Variants in BDP1 observed in about 807,000 individuals in gnomAD.
BDP1 encodes transcription factor TFIIIB component B'' homolog.
In BDP1, 169 loss-of-function variants were observed where a neutral mutation model predicts 266.6. The ratio of observed to expected loss-of-function variants is 0.63; its 90% CI spans 0.56 to 0.72. The LOEUF (loss-of-function observed/expected upper bound fraction) is 0.72, where lower values mean the gene tolerates loss of function less well. Ranked by LOEUF, BDP1 falls within the 30% of genes least tolerant of loss-of-function variation. BDP1 has a pLI of 0.00. For synonymous variants in BDP1, 1,090 were observed against 1,022.4 expected, an observed-to-expected ratio of 1.07 and a Z score of -1.26; for missense variants, 3,015 against 3,053.8, an observed-to-expected ratio of 0.99 and a Z score of 0.30.
chr5:71,493,627 C>G (rs376501486), intron 11 of BDP1, among the ~76,000 whole-genome samples: 60 of 152,238 alleles, frequency 3.9e-4, no homozygotes, highest in African/African-American at 1.3e-3. Context: ...GTCATGTACA[C>G]AAGAACAAAG....
rs144741692 is a variant in BDP1 at position 71,549,327 on chromosome 5, C to T, written c.6809-93C>T. 37 of 1,049,002 alleles carry T rather than the reference C, an allele frequency of 3.5e-5. No homozygotes were observed. In the African/African-American group the frequency reaches 5.7e-4, roughly 16 times the overall value. 65.0% of individuals were successfully genotyped at this position (1,049,002 alleles called of 1,614,324 possible). Reference sequence around the variant, plus strand: ...TTATTTAGTCTTGATGATAAGTTGTCCTGAGACTGTCTTTTTAGAAATGAA... The same window carrying T: ...TTATTTAGTCTTGATGATAAGTTGTTCTGAGACTGTCTTTTTAGAAATGAA... On this transcript the variant is annotated intron_variant, in intron 33 of 38. Transcript: ENST00000358731.
intron 38 of BDP1, among the ~76,000 whole-genome samples, chr5:71,563,104 T>C (rs1743796082): frequency 6.6e-6 from 1 of 152,200 alleles, no homozygotes; most frequent in Non-Finnish European, 1.5e-5. Context: ...GATCAAGATA[T>C]CAGTCTAGCT....
intron 13 of BDP1, among the ~76,000 whole-genome samples, chr5:71,499,299 C>T (rs931893562): frequency 1.3e-5 from 2 of 152,100 alleles, no homozygotes; most frequent in Non-Finnish European, 2.9e-5. Flanking sequence ...TAGGTTTCAC[C>T]ATATTGAGCC....
chr5:71,511,969 A>G (rs1580112612), intron 17 of BDP1, among the ~76,000 whole-genome samples: 1 of 150,026 alleles, frequency 6.7e-6, no homozygotes. Flanking sequence ...TTTGAAGTTC[A>G]TGATCTTCTA....
At chr5:71,529,881 G>C (rs1766127511) in intron 25 of BDP1, among the ~76,000 whole-genome samples, 1 of 152,168 alleles carries the variant, frequency 6.6e-6, no homozygotes, top group Non-Finnish European at 1.5e-5. Context: ...TAGATTAATG[G>C]TTGCCTAGGT....
At chr5:71,563,877 A>G (rs1475754585) in intron 38 of BDP1, among the ~76,000 whole-genome samples, 7 of 152,230 alleles carry the variant, frequency 4.6e-5, no homozygotes, top group Non-Finnish European at 8.8e-5. Flanking sequence ...ATGCCATTGC[A>G]TTCCAGCCTG....
rs138449194 is a variant in BDP1 at position 71,506,459 on chromosome 5, A to G, written c.2372+1708A>G. Among the ~76,000 whole-genome samples, 104 of 152,188 alleles carry G rather than the reference A, an allele frequency of 6.8e-4. 1 individual carries two copies. The East Asian group carries it at 0.019, about 27-fold the overall frequency. On this transcript the variant is annotated intron_variant, in intron 16 of 38. Coordinates refer to ENST00000358731, the MANE Select transcript of BDP1 (RefSeq NM_018429.3). ...ATGCTATGTAAGAGAGATAGTAGGA[A>G]AATAGTCTCTCAAAGAATGCATTAA...
In BDP1 at chr5:71,565,011, T is replaced by C; in HGVS notation, c.*126T>C. The C allele has an allele frequency of 1.2e-6, 1 of 830,692 alleles. No homozygotes were observed. Among genetic ancestry groups the C allele is most frequent in the South Asian group, 2.2e-5 (1 of 45,572 alleles). The allele number at this position is 830,692 out of a possible 1,614,324, so 51.5% of individuals were successfully genotyped here. A position where few individuals can be genotyped will look rare whatever the true frequency, so the allele number is the denominator to read the frequency against. ...TTTCTTTAGGTTGATTTTGAATACT[T>C]AATGAGCTTGATTTGAAGCTTTTAT... is the stretch of plus-strand genomic sequence containing the variant. On this transcript the variant is annotated 3_prime_UTR_variant, in exon 39 of 39. Coordinates refer to ENST00000358731, the MANE Select transcript of BDP1 (RefSeq NM_018429.3).
chr5:71,503,974 T>TA (rs944274832), intron 15 of BDP1, among the ~76,000 whole-genome samples: 21 of 143,812 alleles, frequency 1.5e-4, no homozygotes, highest in East Asian at 2.0e-4. Context: ...GACCCTGTCT[T>TA]AAAAAAAAAA....
chr5:71,460,765 A>G, intron 2 of BDP1, among the ~76,000 whole-genome samples: 1 of 152,086 alleles, frequency 6.6e-6, no homozygotes. Flanking sequence ...AAAGTTCTGT[A>G]TTTTACAGAA....
At chr5:71,497,448 G>A in intron 13 of BDP1, 22 bp downstream of exon 13, 1 of 1,554,596 alleles carries the variant, frequency 6.4e-7, no homozygotes, top group Non-Finnish European at 8.7e-7. Flanking sequence ...GAGATTTCAT[G>A]GAAATTAAAA....
intron 7 of BDP1, among the ~76,000 whole-genome samples, chr5:71,481,067 G>T: frequency 6.6e-6 from 1 of 152,000 alleles, no homozygotes; most frequent in South Asian, 2.1e-4. Context: ...CCAGCTACTT[G>T]GGAGGCTGAG....
At chr5:71,482,257 A>G (rs1227792077) in intron 7 of BDP1, among the ~76,000 whole-genome samples, 1 of 152,128 alleles carries the variant, frequency 6.6e-6, no homozygotes, top group East Asian at 1.9e-4. Context: ...CTACCTCTGC[A>G]GCCTAGTTGG....
Position 71,511,146 on chromosome 5 carries a change from A to G in BDP1, c.4054A>G (p.Ile1352Val), listed in dbSNP as rs1229322891. 3 of 1,601,204 alleles carry G rather than the reference A, an allele frequency of 1.9e-6. No homozygotes were observed. The highest frequency in any genetic ancestry group is 1.7e-6 in the Non-Finnish European group (2 of 1,176,532). ...CTTCAGTGCTGTGCCTTCACTAGAT[A>G]TTCAGGTATGTATTTTTCTGTCCTT... ...NDFSAVPSLD[I>V]QNISSEVLSM... Residue 1352 changes from isoleucine to valine, a missense_variant, in exon 17 of 39, where the codon ATT (isoleucine) becomes GTT (valine). Transcript: ENST00000358731.
intron 7 of BDP1, among the ~76,000 whole-genome samples, chr5:71,473,153 G>A (rs1022755774): frequency 1.1e-4 from 16 of 151,290 alleles, no homozygotes; most frequent in African/African-American, 3.9e-4. Context: ...CCAAAGTTCT[G>A]GAATGACAGG....
At chr5:71,530,354 C>G (rs1766161522) in intron 25 of BDP1, among the ~76,000 whole-genome samples, 1 of 152,184 alleles carries the variant, frequency 6.6e-6, no homozygotes, top group Non-Finnish European at 1.5e-5. Context: ...CCCACCTCAG[C>G]CTCCTGAGTA....
At chr5:71,472,587 T>G (rs1762316605) in intron 7 of BDP1, among the ~76,000 whole-genome samples, 1 of 152,198 alleles carries the variant, frequency 6.6e-6, no homozygotes, top group Admixed American at 6.5e-5. Context: ...TGTTGCTCTA[T>G]TTTGCTACAT....
chr5:71,524,283 C>T lies in BDP1; in HGVS notation c.5732C>T (p.Pro1911Leu). Residue 1911 changes from proline to leucine, a missense_variant, in exon 25 of 39, where the codon CCT becomes CTT. Coordinates refer to ENST00000358731, the MANE Select transcript of BDP1 (RefSeq NM_018429.3). The part of the protein sequence containing the change: ...PVFVPVGLRS[P>L]EPVSAQIEET... ...TTTGTACCTGTTGGTCTCAGATCTC[C>T]TGAACCTGTTTCTGCTCAGATTGAG... 1 of 1,606,378 alleles carries T rather than the reference C, an allele frequency of 6.2e-7. No homozygotes were observed. Among genetic ancestry groups the T allele is most frequent in the Non-Finnish European group, 8.5e-7 (1 of 1,173,422 alleles).
At position 71,565,538 on chromosome 5, in the gene BDP1, G is replaced by A. The variant is rs1230994598; in HGVS notation, c.*653G>A. On this transcript the variant is annotated 3_prime_UTR_variant, in exon 39 of 39. Coordinates refer to ENST00000358731, the MANE Select transcript of BDP1 (RefSeq NM_018429.3). ...TACTATTGTGTTACAACTGCCTACA[G>A]TATTCAGCATAGTAACACATTGTAG... is the stretch of plus-strand genomic sequence containing the variant. The A allele has an allele frequency of 6.6e-6, 1 of 152,488 alleles. No homozygotes were observed. Among genetic ancestry groups the A allele is most frequent in the Non-Finnish European group, 1.5e-5 (1 of 68,292 alleles). 9.4% of individuals were successfully genotyped at this position (152,488 alleles called of 1,614,324 possible).
Sources: allele counts gnomAD v4.1 joint callset (sites outside exome capture counted in the v4.1 genomes callset), GRCh38; gene constraint gnomAD v4.1.1; transcripts MANE v1.5; gene names NCBI Gene and HGNC (gene_info 2026-07-23, HGNC 2026-07-21).